The following KCNIP4 variants were observed in gnomAD, a reference collection of about 807,000 sequenced individuals.
KCNIP4 encodes potassium voltage-gated channel interacting protein 4, also known as Kv channel-interacting protein 4.
Under a neutral mutation model 34.0 loss-of-function variants are expected in KCNIP4, and 12 were observed. The observed-to-expected ratio is 0.35, with a 90% confidence interval of 0.23 to 0.57. KCNIP4 has a LOEUF of 0.57. KCNIP4 is among the 20% of genes least tolerant of loss of function. KCNIP4 has a pLI of 0.83. For missense variants in KCNIP4, 238 were observed against 311.7 expected (o/e 0.76, Z 1.78); for synonymous variants, 124 against 102.2 (o/e 1.21, Z -1.29).
chr4:20,743,717 C>G (rs2149314764), intron 5 of KCNIP4, among the ~76,000 whole-genome samples: 1 of 152,184 alleles, frequency 6.6e-6, no homozygotes, highest in South Asian at 2.1e-4. Context: ...TGGGCAAGGA[C>G]TTCATGTCTA....
intron 1 of KCNIP4, among the ~76,000 whole-genome samples, chr4:21,886,449 G>A (rs1452697365): frequency 6.6e-6 from 1 of 152,126 alleles, no homozygotes; most frequent in Non-Finnish European, 1.5e-5. Context: ...AGGCTTCTCA[G>A]TTACTAAAAT....
intron 1 of KCNIP4, among the ~76,000 whole-genome samples, chr4:21,467,831 C>A (rs1560435142): frequency 6.6e-6 from 1 of 152,114 alleles, no homozygotes; most frequent in Non-Finnish European, 1.5e-5. Context: ...CTGCTTTGAT[C>A]AGGTTAAATT....
intron 1 of KCNIP4, among the ~76,000 whole-genome samples, chr4:21,321,515 G>T (rs532323621): frequency 1.4e-4 from 22 of 152,066 alleles, no homozygotes; most frequent in African/African-American, 4.8e-4. Flanking sequence ...TATTAAATGG[G>T]TAGACAATAC....
At chr4:21,219,358 T>C (rs969924854) in intron 1 of KCNIP4, among the ~76,000 whole-genome samples, 1 of 152,176 alleles carries the variant, frequency 6.6e-6, no homozygotes, top group Non-Finnish European at 1.5e-5. Flanking sequence ...TGGCTTGATA[T>C]GCACATATTT....
chr4:21,075,464 T>G (rs1030565602), intron 1 of KCNIP4, among the ~76,000 whole-genome samples: 2 of 152,198 alleles, frequency 1.3e-5, no homozygotes, highest in Non-Finnish European at 2.9e-5. Flanking sequence ...TTGCAACTCC[T>G]GCCTTTTTTT....
chr4:21,945,522 G>A (rs1428130919), intron 1 of KCNIP4, among the ~76,000 whole-genome samples: 2 of 152,108 alleles, frequency 1.3e-5, no homozygotes, highest in Non-Finnish European at 2.9e-5. Context: ...TTAAGCCAAA[G>A]CCACGATACA....
At chr4:21,211,554 C>A (rs1757226604) in intron 1 of KCNIP4, among the ~76,000 whole-genome samples, 1 of 152,110 alleles carries the variant, frequency 6.6e-6, no homozygotes, top group Non-Finnish European at 1.5e-5. Context: ...AAAACCATCC[C>A]TCCACTGTCG....
intron 1 of KCNIP4, among the ~76,000 whole-genome samples, chr4:21,901,346 C>T (rs578085276): frequency 2.8e-4 from 43 of 152,318 alleles, no homozygotes; most frequent in African/African-American, 1.0e-3. Flanking sequence ...CTTCAAACAG[C>T]GCACCCTCTC....
intron 1 of KCNIP4, among the ~76,000 whole-genome samples, chr4:21,674,871 A>C (rs796644589): frequency 8.9e-4 from 136 of 152,262 alleles, no homozygotes; most frequent in African/African-American, 3.1e-3. Flanking sequence ...AAAATAAATT[A>C]GTTTTAGTGA....
intron 1 of KCNIP4, among the ~76,000 whole-genome samples, chr4:21,490,148 A>G (rs1215536833): frequency 1.3e-5 from 2 of 152,196 alleles, no homozygotes; most frequent in Non-Finnish European, 2.9e-5. Flanking sequence ...AATAATTTTA[A>G]CAGATAATTT....
intron 2 of KCNIP4, among the ~76,000 whole-genome samples, chr4:20,863,170 T>C (rs796864726): frequency 5.3e-5 from 8 of 152,182 alleles, no homozygotes; most frequent in African/African-American, 1.9e-4. Context: ...CTCAAATCAG[T>C]CTCCCTGAGC....
At chr4:21,350,124 G>A (rs184983571) in intron 1 of KCNIP4, among the ~76,000 whole-genome samples, 2 of 151,984 alleles carry the variant, frequency 1.3e-5, no homozygotes, top group African/African-American at 4.8e-5. Flanking sequence ...ACCAATTTTG[G>A]TATGTTATCA....
intron 5 of KCNIP4, among the ~76,000 whole-genome samples, chr4:20,746,735 C>G (rs771542304): frequency 2.6e-5 from 4 of 152,092 alleles, no homozygotes; most frequent in African/African-American, 9.7e-5. Context: ...GTCTCAGAGC[C>G]GCTGGGTGGC....
intron 1 of KCNIP4, among the ~76,000 whole-genome samples, chr4:21,321,636 G>A (rs140564120): frequency 6.6e-6 from 1 of 151,174 alleles, no homozygotes; most frequent in African/African-American, 2.4e-5. Context: ...AGGAGTATGA[G>A]GAAGAAGAAA....
chr4:20,798,328 T>C (rs746290213), intron 3 of KCNIP4, among the ~76,000 whole-genome samples: 1 of 152,230 alleles, frequency 6.6e-6, no homozygotes, highest in Non-Finnish European at 1.5e-5. Flanking sequence ...TATAGAAAGC[T>C]TGATGGGCCT....
chr4:21,421,538 C>A (rs1480918129), intron 1 of KCNIP4, among the ~76,000 whole-genome samples: 2 of 152,124 alleles, frequency 1.3e-5, no homozygotes, highest in African/African-American at 4.8e-5. Context: ...ACAAATACTG[C>A]ATGATCTCAC....
chr4:20,751,440 T>C (rs1296950903), intron 4 of KCNIP4, among the ~76,000 whole-genome samples: 1 of 152,222 alleles, frequency 6.6e-6, no homozygotes, highest in African/African-American at 2.4e-5. Flanking sequence ...AAAGTTGTTT[T>C]ACTCTCAGCA....
intron 3 of KCNIP4, among the ~76,000 whole-genome samples, chr4:20,774,610 A>T (rs1756213257): frequency 6.6e-6 from 1 of 152,354 alleles, no homozygotes; most frequent in African/African-American, 2.4e-5. Flanking sequence ...GTAAATAACC[A>T]TTCAGTTACA....
At chr4:21,906,745 T>C (rs910584919) in intron 1 of KCNIP4, among the ~76,000 whole-genome samples, 1 of 152,154 alleles carries the variant, frequency 6.6e-6, no homozygotes, top group Non-Finnish European at 1.5e-5. Flanking sequence ...TACACACCTA[T>C]AAAAGCTATC....
Sources: allele counts gnomAD v4.1 joint callset (sites outside exome capture counted in the v4.1 genomes callset), GRCh38; gene constraint gnomAD v4.1.1; transcripts MANE v1.5; gene names NCBI Gene and HGNC (gene_info 2026-07-23, HGNC 2026-07-21).